Variants in CHD6 observed in about 807,000 individuals in gnomAD.
The protein encoded by CHD6 is ATP-dependent chromatin remodeler CHD6.
A neutral mutation model predicts 276.9 loss-of-function variants in CHD6; 50 were observed. That is an observed-to-expected ratio of 0.18 (90% CI 0.14 to 0.23). The LOEUF (loss-of-function observed/expected upper bound fraction) is 0.23. Ranked by LOEUF, CHD6 falls within the 10% of genes least tolerant of loss-of-function variation. The pLI is 1.00. For synonymous variants in CHD6, 1,173 were observed against 1,229.3 expected (o/e 0.95, Z 0.96); for missense variants, 2,564 against 3,365.8 (o/e 0.76, Z 5.89).
chr20:41,567,178 C>T (rs891953095), intron 1 of CHD6, among the ~76,000 whole-genome samples: 3 of 152,076 alleles, frequency 2.0e-5, no homozygotes, highest in South Asian at 2.1e-4. Context: ...TGGTGTGATG[C>T]GCCATCAGGT....
intron 23 of CHD6, among the ~76,000 whole-genome samples, chr20:41,450,694 A>G (rs1371008566): frequency 6.6e-6 from 1 of 152,138 alleles, no homozygotes. Context: ...AAATAGAAAA[A>G]TCCTCAGGGG....
At chr20:41,540,898 T>C (rs1176763489) in intron 2 of CHD6, among the ~76,000 whole-genome samples, 1 of 152,166 alleles carries the variant, frequency 6.6e-6, no homozygotes, top group Non-Finnish European at 1.5e-5. Context: ...AATAAATCAG[T>C]TTGTGGACAA....
At chr20:41,527,342 A>G (rs575311339) in intron 3 of CHD6, among the ~76,000 whole-genome samples, 1 of 151,848 alleles carries the variant, frequency 6.6e-6, no homozygotes, top group Non-Finnish European at 1.5e-5. Flanking sequence ...AACTGCTTGA[A>G]CCCGGGAGGT....
intron 1 of CHD6, among the ~76,000 whole-genome samples, chr20:41,579,320 C>T (rs1160283036): frequency 4.0e-5 from 6 of 150,672 alleles, no homozygotes; most frequent in African/African-American, 1.5e-4. Context: ...CGCCTGTAAT[C>T]CCAGCTACTG....
chr20:41,483,884 T>G (rs1329260642), intron 15 of CHD6, among the ~76,000 whole-genome samples: 4 of 152,206 alleles, frequency 2.6e-5, no homozygotes, highest in African/African-American at 9.7e-5. Flanking sequence ...TTTTAAAATT[T>G]CTCCAAAAGT....
chr20:41,616,184 C>T (rs901635072), intron 1 of CHD6, among the ~76,000 whole-genome samples: 1 of 152,128 alleles, frequency 6.6e-6, no homozygotes, highest in African/African-American at 2.4e-5. Context: ...TGTGGTTTGC[C>T]TTAACTAATA....
At chr20:41,438,684 T>C (rs1462645968) in intron 26 of CHD6, among the ~76,000 whole-genome samples, 1 of 152,178 alleles carries the variant, frequency 6.6e-6, no homozygotes, top group Non-Finnish European at 1.5e-5. Context: ...CAAGATAAGC[T>C]CCTTGCTTTA....
In CHD6 at chr20:41,501,063, A is replaced by C. The variant is rs192585526; in HGVS notation, c.853-1706T>G. Among the ~76,000 whole-genome samples the C allele has an allele frequency of 8.9e-4, 136 of 152,328 alleles. 1 individual carries two copies. Among genetic ancestry groups the C allele is most frequent in the South Asian group, 1.5e-3 (7 of 4,826 alleles). On this transcript the variant is annotated intron_variant, in intron 5 of 36. Coordinates refer to ENST00000373233, the MANE Select transcript of CHD6 (RefSeq NM_032221.5). ...GCAGCCAACTAACTAAAGTCTGACTATGGCGAGTGGGCAGTGAACAGGTGC... is the reference window on the plus strand; with the variant it reads ...GCAGCCAACTAACTAAAGTCTGACTCTGGCGAGTGGGCAGTGAACAGGTGC...
Position 41,502,980 on chromosome 20 carries a change from G to A in CHD6, c.853-3623C>T, listed in dbSNP as rs146575280. The stretch of plus-strand genomic sequence containing the variant: ...AGACCATGCCACTGCACTCCAGCCT[G>A]GGCGACAGAGTGAGACTCCATCTCA... On this transcript the variant is annotated intron_variant, in intron 5 of 36. Transcript: ENST00000373233. 4.7e-3 allele frequency among the ~76,000 whole-genome samples: 719 copies of A among 152,256 alleles called. 9 individuals carry two copies. Among genetic ancestry groups the A allele is most frequent in the African/African-American group, 0.016 (655 of 41,552 alleles).
chr20:41,493,504 C>T lies in CHD6; in HGVS notation c.1314+34G>A, dbSNP rs374479833. ...GCAAAGTTCATAAAATTACATGTTC[C>T]GAGAAGTGCCAGAGAGAGACAAAAC... On this transcript the variant is annotated intron_variant, in intron 10 of 36. Coordinates refer to ENST00000373233, the MANE Select transcript of CHD6 (RefSeq NM_032221.5). 5.2e-5 allele frequency: 84 copies of T among 1,603,044 alleles called. No homozygotes were observed. The East Asian group carries it at 1.4e-3, about 27-fold the overall frequency.
At chr20:41,559,746 G>T (rs2045281394) in intron 1 of CHD6, among the ~76,000 whole-genome samples, 1 of 151,996 alleles carries the variant, frequency 6.6e-6, no homozygotes, top group Non-Finnish European at 1.5e-5. Flanking sequence ...GCAAATCCAA[G>T]CCCTCCTCTT....
At chr20:41,429,288 C>A (rs1321184225) in intron 27 of CHD6, among the ~76,000 whole-genome samples, 2 of 152,182 alleles carry the variant, frequency 1.3e-5, no homozygotes, top group African/African-American at 2.4e-5. Flanking sequence ...CCATTCCAAC[C>A]CAAATATACT....
At chr20:41,502,302 A>G (rs984781494) in intron 5 of CHD6, among the ~76,000 whole-genome samples, 31 of 152,242 alleles carry the variant, frequency 2.0e-4, no homozygotes, top group African/African-American at 7.2e-4. Flanking sequence ...CAATATATCT[A>G]AATTATCAAT....
At chr20:41,406,057 G>A (rs932701905) in intron 36 of CHD6, among the ~76,000 whole-genome samples, 1 of 152,178 alleles carries the variant, frequency 6.6e-6, no homozygotes, top group Admixed American at 6.5e-5. Context: ...TTAGAGTCAC[G>A]GAAAGTGACG....
At chr20:41,598,872 C>T (rs555693821) in intron 1 of CHD6, among the ~76,000 whole-genome samples, 16 of 152,238 alleles carry the variant, frequency 1.1e-4, no homozygotes, top group South Asian at 6.2e-4. Context: ...GCAACACTTG[C>T]GCCCTAATTC....
chr20:41,451,062 C>A lies in CHD6; in HGVS notation c.3567G>T (p.Thr1189=). ...PVPRGRKGKK[T]KNQLLIPELK... is the part of the protein sequence containing the mutation. ...GCTCTGGGATTAGCAACTGGTTCTT[C>A]GTCTTCTTCCCCTTCCTCCCTCTGG... Residue 1189 remains threonine, a synonymous_variant, in exon 23 of 37, where the codon ACG becomes ACT. Coordinates refer to ENST00000373233, the MANE Select transcript of CHD6 (RefSeq NM_032221.5). 1 of 1,614,024 alleles carries A rather than the reference C, an allele frequency of 6.2e-7. No individual in the cohort carries two copies. The highest frequency in any genetic ancestry group is 1.3e-5 in the African/African-American group (1 of 75,036).
At position 41,497,510 on chromosome 20, in the gene CHD6, A is replaced by C. The variant is rs749881399; in HGVS notation, c.975-9T>G. The C allele has an allele frequency of 6.3e-7, 1 of 1,582,482 alleles. No homozygotes were observed. Among genetic ancestry groups the C allele is most frequent in the Non-Finnish European group, 8.7e-7 (1 of 1,151,268 alleles). ...TACAATGTAAGTAGGAACTATCCAA[A>C]GACATACAAATTGTCAGGCAAGCAC... On this transcript the variant is annotated splice_polypyrimidine_tract_variant and intron_variant, in intron 7 of 36. Coordinates refer to ENST00000373233, the MANE Select transcript of CHD6 (RefSeq NM_032221.5).
intron 16 of CHD6, among the ~76,000 whole-genome samples, chr20:41,481,853 AAAAT>A (rs1234013024): frequency 6.6e-6 from 1 of 152,036 alleles, no homozygotes; most frequent in Non-Finnish European, 1.5e-5. Flanking sequence ...TATTAAATAA[AAAAT>A]AAGAGTTACA....
intron 8 of CHD6, among the ~76,000 whole-genome samples, chr20:41,496,275 C>G (rs747762039): frequency 3.3e-5 from 5 of 152,162 alleles, no homozygotes; most frequent in Non-Finnish European, 7.4e-5. Context: ...CAGAAAGATT[C>G]CAAGAACAAT....
Sources: allele counts gnomAD v4.1 joint callset (sites outside exome capture counted in the v4.1 genomes callset), GRCh38; gene constraint gnomAD v4.1.1; transcripts MANE v1.5; gene names NCBI Gene and HGNC (gene_info 2026-07-23, HGNC 2026-07-21).